The following DNAH5 variants were observed in gnomAD, a reference collection of about 807,000 sequenced individuals.
DNAH5 encodes the protein dynein axonemal heavy chain 5.
Under a neutral mutation model 518.2 loss-of-function variants are expected in DNAH5, and 372 were observed. The observed-to-expected ratio is 0.72, with a 90% CI of 0.66 to 0.78. DNAH5 has a LOEUF of 0.78. DNAH5 is among the 30% of genes least tolerant of loss of function. The pLI, the probability that DNAH5 is intolerant of heterozygous loss-of-function variation, is 0.00. For missense variants in DNAH5, 5,523 were observed against 5,687.0 expected (o/e 0.97, Z 0.93); for synonymous variants, 2,039 against 2,025.9 (o/e 1.01, Z -0.17).
chr5:13,772,918 A>G (rs1195688145), intron 55 of DNAH5, among the ~76,000 whole-genome samples: 1 of 152,222 alleles, frequency 6.6e-6, no homozygotes, highest in East Asian at 1.9e-4. Context: ...CAGTTTTTCT[A>G]GAAACCTTGT....
chr5:13,809,990 G>T, intron 45 of DNAH5, 69 bp downstream of exon 45: 2 of 1,362,588 alleles, frequency 1.5e-6, no homozygotes, highest in Non-Finnish European at 2.0e-6. Context: ...AATATATATG[G>T]TGTAAATATT....
In DNAH5 at chr5:13,941,570, T is replaced by C. The variant is rs1580990505; in HGVS notation, c.57+2812A>G. On this transcript the variant is annotated intron_variant, in intron 1 of 78. Transcript: ENST00000265104. ...ATGAGAAAACTGACATCTTTTCAGA[T>C]TTCAAAAGATAATCTGAGAGCAAAG... Among the ~76,000 whole-genome samples, 3 of 152,180 alleles carry C rather than the reference T, an allele frequency of 2.0e-5. No individual in the cohort carries two copies. In the East Asian group the frequency reaches 5.8e-4, roughly 29 times the overall value.
At position 13,769,707 on chromosome 5, in the gene DNAH5, A is replaced by G. The variant is rs555883895; in HGVS notation, c.9606-92T>C. The stretch of plus-strand genomic sequence containing the variant: ...GGTCCAATAATGAGTGGTAATGGTT[A>G]TATCTGAAGATTGCATGTATGCAAG... On this transcript the variant is annotated intron_variant, in intron 56 of 78. Coordinates refer to ENST00000265104, the MANE Select transcript of DNAH5 (RefSeq NM_001369.3). 50 of 1,082,914 alleles carry G rather than the reference A, an allele frequency of 4.6e-5. No homozygotes were observed. The African/African-American group carries it at 6.6e-4, about 14-fold the overall frequency. The allele number at this position is 1,082,914 out of a possible 1,614,324, so 67.1% of individuals were successfully genotyped here.
chr5:13,859,396 C>A, intron 30 of DNAH5, 56 bp downstream of exon 30: 1 of 1,590,518 alleles, frequency 6.3e-7, no homozygotes, highest in Non-Finnish European at 8.6e-7. Context: ...AGGGGGTAAT[C>A]GCTCTGAGAG....
chr5:13,721,382 G>A (rs1745044658), intron 70 of DNAH5, 137 bp from the exon 71 acceptor site: 1 of 998,360 alleles, frequency 1.0e-6, no homozygotes, highest in Admixed American at 2.1e-5. Context: ...ACAGGGTAGA[G>A]ACTGTTTTTC....
Position 13,776,570 on chromosome 5 carries a change from T to C in DNAH5, c.9242A>G (p.Asn3081Ser). The change falls in exon 55 of 79, where the codon AAC becomes AGC. Residue 3081 changes from asparagine to serine, a missense_variant. Physicochemically the swap from Asn to Ser is conservative, Grantham distance 46. This residue lies in a region of DNAH5 where 5,121 missense variants were observed against 5,223.3 expected (regional missense o/e 0.98). Transcript: ENST00000265104. Reference sequence around the variant, plus strand: ...CGAGAAGCAGAGCACAATATGAAGGTTCTGTCGGACCCGACTCATGAAGTA... The same window carrying C: ...CGAGAAGCAGAGCACAATATGAAGGCTCTGTCGGACCCGACTCATGAAGTA... ...HDYFMSRVRQ[N>S]LHIVLCFSPV... 1 of 1,613,936 alleles carries C rather than the reference T, an allele frequency of 6.2e-7. No homozygotes were observed. Among genetic ancestry groups the C allele is most frequent in the Middle Eastern group, 1.7e-4 (1 of 6,058 alleles).
chr5:13,801,295 G>A (rs1477042531), intron 47 of DNAH5, among the ~76,000 whole-genome samples: 1 of 152,184 alleles, frequency 6.6e-6, no homozygotes, highest in Non-Finnish European at 1.5e-5. Flanking sequence ...TCTCACTCCT[G>A]CTCCGGCCAC....
chr5:13,812,394 C>T (rs1028073443), intron 43 of DNAH5, among the ~76,000 whole-genome samples: 3 of 152,140 alleles, frequency 2.0e-5, no homozygotes, highest in Non-Finnish European at 4.4e-5. Flanking sequence ...CAACCTCCAC[C>T]TCCCAGGCTC....
chr5:13,756,858 T>C (rs908733593), intron 61 of DNAH5, among the ~76,000 whole-genome samples: 1 of 152,162 alleles, frequency 6.6e-6, no homozygotes, highest in East Asian at 1.9e-4. Context: ...CCTCTTCCCA[T>C]CCTCCACCCT....
intron 1 of DNAH5, among the ~76,000 whole-genome samples, chr5:13,976,901 T>A (rs963005829): frequency 6.6e-6 from 1 of 152,158 alleles, no homozygotes; most frequent in African/African-American, 2.4e-5. Context: ...CATTTATAAG[T>A]GTCACATAAA....
At chr5:13,828,413 T>C (rs1422301425) in intron 38 of DNAH5, among the ~76,000 whole-genome samples, 1 of 152,254 alleles carries the variant, frequency 6.6e-6, no homozygotes, top group Non-Finnish European at 1.5e-5. Flanking sequence ...TTTTTACTGA[T>C]ATGTACTAAA....
rs754976780 is a variant in DNAH5, at chr5:13,714,668, C to A, written c.12910-48G>T. 6.3e-6 allele frequency: 10 copies of A among 1,579,992 alleles called. No individual in the cohort carries two copies. The South Asian group carries it at 1.1e-4, about 18-fold the overall frequency. ...AAGCACAGACTGCCAACATAAGCAC[C>A]GTCTAAATTACACTATTTTAGGAAA... On this transcript the variant is annotated intron_variant, in intron 74 of 78. Coordinates refer to ENST00000265104, the MANE Select transcript of DNAH5 (RefSeq NM_001369.3).
intron 39 of DNAH5, 114 bp downstream of exon 39, chr5:13,824,085 G>GA: frequency 8.8e-7 from 1 of 1,131,038 alleles, no homozygotes. Flanking sequence ...CACTTTATCT[G>GA]ACAATTAGGC....
intron 11 of DNAH5, among the ~76,000 whole-genome samples, chr5:13,912,104 A>G (rs1776057480): frequency 6.6e-6 from 1 of 152,152 alleles, no homozygotes; most frequent in Non-Finnish European, 1.5e-5. Context: ...TGAAAATACT[A>G]TTATCAGAAG....
chr5:13,914,663 G>T, intron 9 of DNAH5, 21 bp from the exon 10 acceptor site: 1 of 1,611,456 alleles, frequency 6.2e-7, no homozygotes, highest in Middle Eastern at 1.7e-4. Flanking sequence ...CCAATAAAAT[G>T]ATGTTAAGCA....
chr5:13,786,509 T>G (rs1305494617), intron 51 of DNAH5, among the ~76,000 whole-genome samples, 158 bp from the exon 52 acceptor site: 1 of 152,190 alleles, frequency 6.6e-6, no homozygotes, highest in African/African-American at 2.4e-5. Context: ...AAGACAACAA[T>G]AGAAGCGTTA....
intron 78 of DNAH5, among the ~76,000 whole-genome samples, chr5:13,697,766 C>T (rs1182538903): frequency 2.0e-5 from 3 of 152,216 alleles, no homozygotes; most frequent in Non-Finnish European, 4.4e-5. Context: ...AAACCCAGCA[C>T]ATCCATTACC....
At chr5:13,711,389 T>G (rs972523164) in intron 75 of DNAH5, among the ~76,000 whole-genome samples, 2 of 152,204 alleles carry the variant, frequency 1.3e-5, no homozygotes, top group African/African-American at 4.8e-5. Flanking sequence ...AAGCCATCTA[T>G]GACAAACCCA....
At position 13,721,107 on chromosome 5, in the gene DNAH5, A is replaced by G. The variant is rs1194500326; in HGVS notation, c.12172T>C (p.Ser4058Pro). The stretch of plus-strand genomic sequence containing the variant: ...AATCTCTTCCCCAAGGCAATGATGG[A>G]ATCTGTGGGGTCTGAGCCCATAGAC... Reference protein sequence around the residue: ...LLSMGSDPTDSIIALGKRLKI... With the variant: ...LLSMGSDPTDPIIALGKRLKI... Residue 4058 changes from serine (S) to proline (P), a missense_variant, in exon 71 of 79, where the codon TCC (serine) becomes CCC (proline). By Grantham distance (74) the Ser-to-Pro change is moderately conservative. Around this residue, in one of 3 missense-constraint regions of DNAH5, gnomAD observed 5,121 missense variants for 5,223.3 expected, o/e 0.98. Coordinates refer to ENST00000265104, the MANE Select transcript of DNAH5 (RefSeq NM_001369.3). 3 of 1,614,108 alleles carry G rather than the reference A, an allele frequency of 1.9e-6. No individual in the cohort carries two copies. The Admixed American group carries it at 5.0e-5, about 27-fold the overall frequency.
Sources: gnomAD v4.1 joint callset for allele counts (sites outside exome capture counted in the v4.1 genomes callset) on GRCh38, gnomAD v4.1.1 for gene constraint, gnomAD v4.1.1 regional missense constraint, MANE v1.5 for transcripts, NCBI Gene and HGNC (gene_info 2026-07-23, HGNC 2026-07-21) for gene names.